SNAP29: variants seen among roughly 807,000 people sequenced by gnomAD.
The protein encoded by SNAP29 is synaptosome associated protein 29.
In SNAP29, 13 loss-of-function variants were observed where a neutral mutation model predicts 27.9. That is an observed-to-expected ratio of 0.47 (90% CI 0.30 to 0.74). The LOEUF is 0.74. Among genes scored for constraint, SNAP29 ranks in the 30% least tolerant of loss-of-function variants. The pLI, the probability that SNAP29 is intolerant of heterozygous loss-of-function variation, is 0.06. For synonymous variants in SNAP29, 119 were observed against 127.1 expected (o/e 0.94, Z 0.43); for missense variants, 368 against 336.5 (o/e 1.09, Z -0.73).
intron 2 of SNAP29, among the ~76,000 whole-genome samples, chr22:20,877,686 A>AG: frequency 6.6e-6 from 1 of 152,320 alleles, no homozygotes; most frequent in East Asian, 1.9e-4. Flanking sequence ...CCTGCACTCC[A>AG]GCCTGGGAGA....
chr22:20,878,127 T>C (rs1928791908), intron 2 of SNAP29, among the ~76,000 whole-genome samples: 1 of 152,190 alleles, frequency 6.6e-6, no homozygotes, highest in Non-Finnish European at 1.5e-5. Flanking sequence ...TTAAAGACTT[T>C]AACTGAAGAG....
At position 20,888,115 on chromosome 22, in the gene SNAP29, A is replaced by G. The variant is rs1929064278; in HGVS notation, c.*279A>G. ...TGCATATCTTGGGCGTTTGATTACC[A>G]TGCTGGAATAAGAAGAGTTGCATTT... On this transcript the variant is annotated 3_prime_UTR_variant, in exon 5 of 5. Coordinates refer to ENST00000215730, the MANE Select transcript of SNAP29 (RefSeq NM_004782.4). 2 of 431,344 alleles carry G rather than the reference A, an allele frequency of 4.6e-6. No individual in the cohort carries two copies. Among genetic ancestry groups the G allele is most frequent in the South Asian group, 4.3e-5 (2 of 46,412 alleles). The allele number at this position is 431,344 out of a possible 1,614,324, so 26.7% of individuals were successfully genotyped here. A position where few individuals can be genotyped will look rare whatever the true frequency, so the allele number is the denominator to read the frequency against.
At chr22:20,876,551 C>T (rs1928749711) in intron 2 of SNAP29, among the ~76,000 whole-genome samples, 1 of 150,680 alleles carries the variant, frequency 6.6e-6, no homozygotes. Flanking sequence ...AGCCACTGTG[C>T]CTGGCCCACT....
At chr22:20,883,329 TC>T in intron 3 of SNAP29, 141 bp from the exon 4 acceptor site, 1 of 651,768 alleles carries the variant, frequency 1.5e-6, no homozygotes, top group Non-Finnish European at 2.9e-6. Flanking sequence ...GCTGTGCTCC[TC>T]CCTCATCCCT....
chr22:20,859,447 G>C lies in SNAP29; in HGVS notation c.237+100G>C, dbSNP rs535960615. ...ACAATCTTTTGAGAATTCTCAAGTTGCCTAGCATAGATTCTTGCACCTTAG... is the reference window on the plus strand; with the variant it reads ...ACAATCTTTTGAGAATTCTCAAGTTCCCTAGCATAGATTCTTGCACCTTAG... On this transcript the variant is annotated intron_variant, in intron 1 of 4. Transcript: ENST00000215730. 15 of 913,508 alleles carry C rather than the reference G, an allele frequency of 1.6e-5. No individual in the cohort carries two copies. In the African/African-American group the frequency reaches 1.8e-4, roughly 11 times the overall value. 56.6% of individuals were successfully genotyped at this position (913,508 alleles called of 1,614,324 possible).
chr22:20,879,466 G>A (rs2147870118), intron 2 of SNAP29, among the ~76,000 whole-genome samples: 1 of 149,924 alleles, frequency 6.7e-6, no homozygotes, highest in Middle Eastern at 3.6e-3. Context: ...TTGAACCCGG[G>A]AGATGGAGGT....
At chr22:20,881,166 T>C in intron 3 of SNAP29, 32 bp downstream of exon 3, 5 of 1,443,036 alleles carry the variant, frequency 3.5e-6, no homozygotes, top group Non-Finnish European at 4.9e-6. Flanking sequence ...CAGCCACATT[T>C]GAATTCTGGG....
intron 1 of SNAP29, among the ~76,000 whole-genome samples, chr22:20,859,886 C>G (rs991251859): frequency 1.3e-5 from 2 of 152,138 alleles, no homozygotes; most frequent in African/African-American, 4.8e-5. Flanking sequence ...ATTGAAGTCC[C>G]TTCAGCCCAG....
chr22:20,867,002 C>T (rs1414418338), intron 1 of SNAP29, among the ~76,000 whole-genome samples: 3 of 152,178 alleles, frequency 2.0e-5, no homozygotes, highest in African/African-American at 7.2e-5. Flanking sequence ...ACTCATCTGC[C>T]TTTCTTGGAT....
chr22:20,870,656 A>C, intron 2 of SNAP29, 123 bp downstream of exon 2: 1 of 872,220 alleles, frequency 1.1e-6, no homozygotes, highest in Admixed American at 2.0e-5. Flanking sequence ...GTTACTCATC[A>C]GGGGATATTT....
chr22:20,865,569 T>C (rs962530784), intron 1 of SNAP29, among the ~76,000 whole-genome samples: 5 of 152,192 alleles, frequency 3.3e-5, no homozygotes, highest in Admixed American at 3.3e-4. Flanking sequence ...CTATACAGCT[T>C]TCTGCCTCTG....
intron 2 of SNAP29, among the ~76,000 whole-genome samples, chr22:20,880,766 A>G (rs190522687): frequency 1.3e-5 from 2 of 152,006 alleles, no homozygotes; most frequent in East Asian, 3.9e-4. Context: ...GGGCTCAGGC[A>G]ATTCTCCCAC....
intron 1 of SNAP29, among the ~76,000 whole-genome samples, chr22:20,864,693 G>A (rs973948575): frequency 6.6e-6 from 1 of 152,218 alleles, no homozygotes; most frequent in Non-Finnish European, 1.5e-5. Context: ...AAGAGGAGCA[G>A]TCTCTTACCC....
intron 1 of SNAP29, among the ~76,000 whole-genome samples, chr22:20,869,623 A>T (rs1395034506): frequency 6.6e-6 from 1 of 152,146 alleles, no homozygotes; most frequent in Non-Finnish European, 1.5e-5. Flanking sequence ...CTTAAATGGG[A>T]ACTTCCTAAA....
intron 4 of SNAP29, among the ~76,000 whole-genome samples, chr22:20,887,235 A>C (rs999091841): frequency 3.0e-4 from 46 of 151,978 alleles, no homozygotes; most frequent in African/African-American, 1.1e-3. Context: ...AAAAAAAAAA[A>C]AAACAAAAAA....
rs1024608498 is a variant in SNAP29 at position 20,889,442 on chromosome 22, A to T, written c.*1606A>T. 1 of 152,202 alleles carries T rather than the reference A, an allele frequency of 6.6e-6. No homozygotes were observed. Among genetic ancestry groups the T allele is most frequent in the Admixed American group, 6.6e-5 (1 of 15,266 alleles). The allele number at this position is 152,202 out of a possible 1,614,324, so 9.4% of individuals were successfully genotyped here. A position where few individuals can be genotyped will look rare whatever the true frequency, so the allele number is the denominator to read the frequency against. ...TCAGGGATTCTGATCCATGTCATTA[A>T]CGACCATCCCAGGGTGTGAGGGCCT... On this transcript the variant is annotated 3_prime_UTR_variant, in exon 5 of 5. Coordinates refer to ENST00000215730, the MANE Select transcript of SNAP29 (RefSeq NM_004782.4).
chr22:20,873,392 G>A (rs921632957), intron 2 of SNAP29, among the ~76,000 whole-genome samples: 3 of 152,150 alleles, frequency 2.0e-5, no homozygotes, highest in Non-Finnish European at 4.4e-5. Context: ...CTGTGAACCT[G>A]TGTACACTAG....
intron 4 of SNAP29, among the ~76,000 whole-genome samples, chr22:20,883,797 A>G (rs1430984668): frequency 6.6e-6 from 1 of 152,070 alleles, no homozygotes; most frequent in East Asian, 1.9e-4. Flanking sequence ...ACTTTCATGA[A>G]CAGCACCAGG....
chr22:20,887,578 A>G, intron 4 of SNAP29, 101 bp from the exon 5 acceptor site: 3 of 1,285,278 alleles, frequency 2.3e-6, no homozygotes, highest in Non-Finnish European at 3.4e-6. Context: ...CCCCCAGGCA[A>G]CACAGATCCC....
Sources: gnomAD v4.1 joint callset for allele counts (sites outside exome capture counted in the v4.1 genomes callset) on GRCh38, gnomAD v4.1.1 for gene constraint, MANE v1.5 for transcripts, NCBI Gene and HGNC (gene_info 2026-07-23, HGNC 2026-07-21) for gene names.